Variants in ICAM4 observed in about 807,000 individuals in gnomAD.
ICAM4 encodes the protein intercellular adhesion molecule 4.
Under a neutral mutation model 18.8 loss-of-function variants are expected in ICAM4, and 16 were observed. That is an observed-to-expected ratio of 0.85 (90% confidence interval 0.58 to 1.29). ICAM4 has a LOEUF of 1.29. Among genes scored for constraint, ICAM4 ranks in the 50% most tolerant of loss-of-function variants. The pLI, the probability that ICAM4 is intolerant of heterozygous loss-of-function variation, is 0.00. For synonymous variants in ICAM4, 163 were observed against 163.2 expected (o/e 1.00, Z 0.01); for missense variants, 338 against 364.3 (o/e 0.93, Z 0.59).
rs765288244 is a variant in ICAM4 at position 10,287,880 on chromosome 19, CAG to C, written c.697+49_697+50del. The C allele has an allele frequency of 4.4e-6, 7 of 1,607,088 alleles. No individual in the cohort carries two copies. Among genetic ancestry groups the C allele is most frequent in the Middle Eastern group, 1.6e-4 (1 of 6,070 alleles). On this transcript the variant is annotated intron_variant, in intron 2 of 2. Transcript: ENST00000380770. This position sits in a 1 kb window ranked among gnomAD's most constrained non-coding sequence, Gnocchi z 8.7. ...ACCCTGGGGACTAGGAGGAAGGGGG[CAG>C]AGAGAGTTATGACCCCGAGAGGGCG...
rs781614874 is a variant in ICAM4 at position 10,287,540 on chromosome 19, G to GC, written c.403dup (p.His135ProfsTer165). ...AGAGGCTCCCCCTTGCCTTAGAACC[G>GC]CCCCACAGCGTGATTTTGGAGCCTC... is the stretch of plus-strand genomic sequence containing the variant. On this transcript the variant is annotated frameshift_variant, in exon 2 of 3. Transcript: ENST00000380770. LOFTEE classifies it high-confidence loss of function. The surrounding 1 kb of genome is among the most constrained non-coding windows in gnomAD (Gnocchi z 8.7). 1 of 1,612,976 alleles carries GC rather than the reference G, an allele frequency of 6.2e-7. No homozygotes were observed. The highest frequency in any genetic ancestry group is 1.7e-5 in the Admixed American group (1 of 59,962).
Position 10,287,760 on chromosome 19 carries a change from C to T in ICAM4, c.619C>T (p.Pro207Ser). Residue 207 changes from proline to serine, a missense_variant, in exon 2 of 3, where the codon CCC (proline) becomes TCC (serine). Pro to Ser is a moderately conservative substitution (Grantham distance 74). Coordinates refer to ENST00000380770, the MANE Select transcript of ICAM4 (RefSeq NM_001544.5). The surrounding 1 kb of genome is among the most constrained non-coding windows in gnomAD (Gnocchi z 8.7). ...FAAGPRDFWQ[P>S]VICHARLNLD... Reference sequence around the variant, plus strand: ...TGCTGGACCCCGCGACTTCTGGCAGCCCGTGATCTGCCACGCGCGCCTCAA... The same window carrying T: ...TGCTGGACCCCGCGACTTCTGGCAGTCCGTGATCTGCCACGCGCGCCTCAA... 2 of 1,613,868 alleles carry T rather than the reference C, an allele frequency of 1.2e-6. No homozygotes were observed. The highest frequency in any genetic ancestry group is 1.7e-6 in the Non-Finnish European group (2 of 1,180,038).
In ICAM4 at chr19:10,288,317, C is replaced by T. The variant is rs928514016; in HGVS notation, c.*213C>T. 13 of 731,574 alleles carry T rather than the reference C, an allele frequency of 1.8e-5. No homozygotes were observed. The Admixed American group carries it at 1.8e-4, about 10-fold the overall frequency. 45.3% of individuals were successfully genotyped at this position (731,574 alleles called of 1,614,324 possible). A position where few individuals can be genotyped will look rare whatever the true frequency, so the allele number is the denominator to read the frequency against. ...ACACAAATTAGCCTGGTGTGGTGGC[C>T]CGCACCTGTGGTCCCAGCTACCCGG... On this transcript the variant is annotated 3_prime_UTR_variant, in exon 3 of 3. Coordinates refer to ENST00000380770, the MANE Select transcript of ICAM4 (RefSeq NM_001544.5).
At position 10,287,996 on chromosome 19, in the gene ICAM4, C is replaced by T. The variant is rs779110405; in HGVS notation, c.708C>T (p.Pro236=). The T allele has an allele frequency of 1.2e-6, 2 of 1,614,064 alleles. No homozygotes were observed. Among genetic ancestry groups the T allele is most frequent in the Non-Finnish European group, 1.7e-6 (2 of 1,180,016 alleles). The change falls in exon 3 of 3, where the codon CCC becomes CCT. Residue 236 remains proline (P), a synonymous_variant. Transcript: ENST00000380770. The surrounding 1 kb of genome is among the most constrained non-coding windows in gnomAD (Gnocchi z 8.7). ...APITLMLAWS[P]APTALASGSI... is the part of the protein sequence containing the mutation. ...GCCTTCTGCTCCCAGCTTGGAGCCC[C>T]GCGCCCACAGCTTTGGCCTCCGGTT...
In ICAM4 at chr19:10,287,738, T is replaced by G; in HGVS notation, c.597T>G (p.Ala199=). ...ANVTLTYEFA[A]GPRDFWQPVI... ...TGACCTTGACCTACGAGTTTGCTGC[T>G]GGACCCCGCGACTTCTGGCAGCCCG... Residue 199 remains alanine (A), a synonymous_variant, in exon 2 of 3, where the codon GCT becomes GCG. Transcript: ENST00000380770. This position sits in a 1 kb window ranked among gnomAD's most constrained non-coding sequence, Gnocchi z 8.7. 1 of 1,614,000 alleles carries G rather than the reference T, an allele frequency of 6.2e-7. No individual in the cohort carries two copies. Among genetic ancestry groups the G allele is most frequent in the Non-Finnish European group, 8.5e-7 (1 of 1,180,050 alleles).
Position 10,287,686 on chromosome 19 carries a change from G to A in ICAM4, c.545G>A (p.Arg182His). 6.2e-7 allele frequency: 1 copy of A among 1,614,076 alleles called. No homozygotes were observed. The highest frequency in any genetic ancestry group is 8.5e-7 in the Non-Finnish European group (1 of 1,180,026). Residue 182 changes from arginine (R) to histidine (H), a missense_variant, in exon 2 of 3, where the codon CGC becomes CAC. By Grantham distance (29) the Arg-to-His change is conservative. Coordinates refer to ENST00000380770, the MANE Select transcript of ICAM4 (RefSeq NM_001544.5). This position sits in a 1 kb window ranked among gnomAD's most constrained non-coding sequence, Gnocchi z 8.7. ...GTCATCTATTCCGAAAGCCTGGAGC[G>A]CTTCACCGGCCTGGATCTGGCCAAC... ...SRVIYSESLE[R>H]FTGLDLANVT...
Position 10,287,999 on chromosome 19 carries a change from G to T in ICAM4, c.711G>T (p.Ala237=). ...PITLMLAWSP[A]PTALASGSIA... ...TTCTGCTCCCAGCTTGGAGCCCCGC[G>T]CCCACAGCTTTGGCCTCCGGTTCCA... Residue 237 remains alanine, a synonymous_variant, in exon 3 of 3, where the codon GCG becomes GCT. Transcript: ENST00000380770. The surrounding 1 kb of genome is among the most constrained non-coding windows in gnomAD (Gnocchi z 8.7). 1 of 1,614,030 alleles carries T rather than the reference G, an allele frequency of 6.2e-7. No individual in the cohort carries two copies. Among genetic ancestry groups the T allele is most frequent in the Non-Finnish European group, 8.5e-7 (1 of 1,180,008 alleles).
At position 10,287,131 on chromosome 19, in the gene ICAM4, C is replaced by T; in HGVS notation, c.119C>T (p.Ala40Val). 6.2e-7 allele frequency: 1 copy of T among 1,608,432 alleles called. No individual in the cohort carries two copies. The highest frequency in any genetic ancestry group is 1.3e-5 in the African/African-American group (1 of 74,962). The stretch of plus-strand genomic sequence containing the variant: ...CAAAGCCCCAAGGGTAGCCCTCTCG[C>T]GCCCTCCGGGACCTCAGTGCCCTTC... ...RAQSPKGSPL[A>V]PSGTSVPFWV... is the part of the protein sequence containing the mutation. Residue 40 changes from alanine (A) to valine (V), a missense_variant, in exon 1 of 3, where the codon GCG becomes GTG. Transcript: ENST00000380770. The surrounding 1 kb of genome is among the most constrained non-coding windows in gnomAD (Gnocchi z 8.7).
chr19:10,287,932 CG>C lies in ICAM4; in HGVS notation c.698-51del. The C allele has an allele frequency of 6.2e-7, 1 of 1,611,544 alleles. No individual in the cohort carries two copies. Among genetic ancestry groups the C allele is most frequent in the Non-Finnish European group, 8.5e-7 (1 of 1,178,808 alleles). ...GCACAGACCAAGCGTGAGCTCCACGCGGGTCGACAGACCTCCCTGTGTTCCG... is the reference window on the plus strand; with the variant it reads ...GCACAGACCAAGCGTGAGCTCCACGCGGTCGACAGACCTCCCTGTGTTCCG... On this transcript the variant is annotated intron_variant, in intron 2 of 2. Coordinates refer to ENST00000380770, the MANE Select transcript of ICAM4 (RefSeq NM_001544.5). The surrounding 1 kb of genome is among the most constrained non-coding windows in gnomAD (Gnocchi z 8.7).
At position 10,287,399 on chromosome 19, in the gene ICAM4, C is replaced by G. The variant is rs537145889; in HGVS notation, c.387C>G (p.Thr129=). 16 of 1,602,678 alleles carry G rather than the reference C, an allele frequency of 1.0e-5. No homozygotes were observed. The African/African-American group carries it at 2.0e-4, about 20-fold the overall frequency. The part of the protein sequence containing the change: ...GKTRWATSRI[T]AYKPPHSVIL... ...CACGCTGGGCCACCTCCAGGATCAC[C>G]GCCTACAGTGAGGGACAGGGGCTCG... The change falls in exon 1 of 3, where the codon ACC becomes ACG. Residue 129 remains threonine (T), a synonymous_variant. Transcript: ENST00000380770. The surrounding 1 kb of genome is among the most constrained non-coding windows in gnomAD (Gnocchi z 8.7).
Position 10,288,367 on chromosome 19 carries a change from G to C in ICAM4, c.*263G>C, listed in dbSNP as rs536149845. On this transcript the variant is annotated 3_prime_UTR_variant, in exon 3 of 3. Coordinates refer to ENST00000380770, the MANE Select transcript of ICAM4 (RefSeq NM_001544.5). Reference sequence around the variant, plus strand: ...GGAGGCTGAGTTGGGAGGATCCTTTGAGCCCTGAAAGTCGAGGTTGCAGTG... The same window carrying C: ...GGAGGCTGAGTTGGGAGGATCCTTTCAGCCCTGAAAGTCGAGGTTGCAGTG... The C allele has an allele frequency of 1.7e-5, 10 of 597,110 alleles. No homozygotes were observed. In the East Asian group the frequency reaches 2.9e-4, roughly 18 times the overall value. 37.0% of individuals were successfully genotyped at this position (597,110 alleles called of 1,614,324 possible).
At position 10,287,520 on chromosome 19, in the gene ICAM4, C is replaced by T; in HGVS notation, c.395-16C>T. 2 of 1,608,564 alleles carry T rather than the reference C, an allele frequency of 1.2e-6. No homozygotes were observed. Among genetic ancestry groups the T allele is most frequent in the Non-Finnish European group, 1.7e-6 (2 of 1,176,316 alleles). ...AGCGCCCGCGGACCTCACTCAGAGG[C>T]TCCCCCTTGCCTTAGAACCGCCCCA... On this transcript the variant is annotated splice_polypyrimidine_tract_variant and intron_variant, in intron 1 of 2. Transcript: ENST00000380770. This position sits in a 1 kb window ranked among gnomAD's most constrained non-coding sequence, Gnocchi z 8.7.
rs1344242660 is a variant in ICAM4 at position 10,287,734 on chromosome 19, C to T, written c.593C>T (p.Ala198Val). ...AACGTGACCTTGACCTACGAGTTTG[C>T]TGCTGGACCCCGCGACTTCTGGCAG... ...LANVTLTYEF[A>V]AGPRDFWQPV... The change falls in exon 2 of 3, where the codon GCT (alanine) becomes GTT (valine). Residue 198 changes from alanine (A) to valine (V), a missense_variant. Transcript: ENST00000380770. The surrounding 1 kb of genome is among the most constrained non-coding windows in gnomAD (Gnocchi z 8.7). 2 of 1,614,002 alleles carry T rather than the reference C, an allele frequency of 1.2e-6. No individual in the cohort carries two copies. Among genetic ancestry groups the T allele is most frequent in the East Asian group, 4.5e-5 (2 of 44,880 alleles).
In ICAM4 at chr19:10,288,137, AAG is replaced by A; in HGVS notation, c.*36_*37del. 1.2e-6 allele frequency: 2 copies of A among 1,614,126 alleles called. No individual in the cohort carries two copies. The highest frequency in any genetic ancestry group is 1.7e-6 in the Non-Finnish European group (2 of 1,180,026). On this transcript the variant is annotated 3_prime_UTR_variant, in exon 3 of 3. Transcript: ENST00000380770. ...TGTTCTATGCCGGCTGAGCGAGAAA[AAG>A]AGGAATATGAAACAATCTGGGGAAA...
In ICAM4 at chr19:10,287,747, C is replaced by A. The variant is rs1250516750; in HGVS notation, c.606C>A (p.Arg202=). Residue 202 remains arginine (R), a synonymous_variant, in exon 2 of 3, where the codon CGC becomes CGA. Transcript: ENST00000380770. The surrounding 1 kb of genome is among the most constrained non-coding windows in gnomAD (Gnocchi z 8.7). ...CCTACGAGTTTGCTGCTGGACCCCGCGACTTCTGGCAGCCCGTGATCTGCC... is the reference window on the plus strand; with the variant it reads ...CCTACGAGTTTGCTGCTGGACCCCGAGACTTCTGGCAGCCCGTGATCTGCC... The part of the protein sequence containing the change: ...TLTYEFAAGP[R]DFWQPVICHA... 1 of 1,613,908 alleles carries A rather than the reference C, an allele frequency of 6.2e-7. No individual in the cohort carries two copies.
At position 10,287,898 on chromosome 19, in the gene ICAM4, C is replaced by T. The variant is rs776321792; in HGVS notation, c.697+60C>T. The T allele has an allele frequency of 6.2e-7, 1 of 1,607,832 alleles. No homozygotes were observed. Among genetic ancestry groups the T allele is most frequent in the East Asian group, 2.2e-5 (1 of 44,818 alleles). On this transcript the variant is annotated intron_variant, in intron 2 of 2. Transcript: ENST00000380770. The surrounding 1 kb of genome is among the most constrained non-coding windows in gnomAD (Gnocchi z 8.7). ...AAGGGGGCAGAGAGAGTTATGACCC[C>T]GAGAGGGCGCACAGACCAAGCGTGA...
In ICAM4 at chr19:10,287,170, G is replaced by A. The variant is rs770220809; in HGVS notation, c.158G>A (p.Ser53Asn). The change falls in exon 1 of 3, where the codon AGC becomes AAC. Residue 53 changes from serine (S) to asparagine (N), a missense_variant. Coordinates refer to ENST00000380770, the MANE Select transcript of ICAM4 (RefSeq NM_001544.5). This position sits in a 1 kb window ranked among gnomAD's most constrained non-coding sequence, Gnocchi z 8.7. ...GTSVPFWVRM[S>N]PEFVAVQPGK... ...TCAGTGCCCTTCTGGGTGCGCATGA[G>A]CCCGGAGTTCGTGGCTGTGCAGCCG... The A allele has an allele frequency of 6.2e-7, 1 of 1,611,662 alleles. No homozygotes were observed.
rs146427583 is a variant in ICAM4 at position 10,288,141 on chromosome 19, G to C, written c.*37G>C. The C allele has an allele frequency of 6.2e-7, 1 of 1,614,082 alleles. No homozygotes were observed. Among genetic ancestry groups the C allele is most frequent in the Non-Finnish European group, 8.5e-7 (1 of 1,180,008 alleles). On this transcript the variant is annotated 3_prime_UTR_variant, in exon 3 of 3. Transcript: ENST00000380770. ...CTATGCCGGCTGAGCGAGAAAAAGA[G>C]GAATATGAAACAATCTGGGGAAATG...
In ICAM4 at chr19:10,287,933, G is replaced by A; in HGVS notation, c.698-53G>A. On this transcript the variant is annotated intron_variant, in intron 2 of 2. Coordinates refer to ENST00000380770, the MANE Select transcript of ICAM4 (RefSeq NM_001544.5). This position sits in a 1 kb window ranked among gnomAD's most constrained non-coding sequence, Gnocchi z 8.7. The stretch of plus-strand genomic sequence containing the variant: ...CACAGACCAAGCGTGAGCTCCACGC[G>A]GGTCGACAGACCTCCCTGTGTTCCG... 1 of 1,611,554 alleles carries A rather than the reference G, an allele frequency of 6.2e-7. No homozygotes were observed. The highest frequency in any genetic ancestry group is 8.5e-7 in the Non-Finnish European group (1 of 1,178,770).
Sources: gnomAD v4.1 joint callset for allele counts on GRCh38, gnomAD v4.1.1 for gene constraint, Gnocchi (gnomAD v3.1) non-coding constraint, MANE v1.5 for transcripts, NCBI Gene and HGNC (gene_info 2026-07-23, HGNC 2026-07-21) for gene names.